The following PHC3 variants were observed in gnomAD, a reference collection of about 807,000 sequenced individuals.
The protein encoded by PHC3 is polyhomeotic homolog 3.
A neutral mutation model predicts 107.4 loss-of-function variants in PHC3; 13 were observed. The ratio of observed to expected loss-of-function variants is 0.12; its 90% CI spans 0.08 to 0.19. The LOEUF is 0.19. Ranked by LOEUF, PHC3 falls within the 10% of genes least tolerant of loss-of-function variation. PHC3 has a pLI of 1.00. For missense variants in PHC3, 992 were observed against 1,210.9 expected (o/e 0.82, Z 2.68); for synonymous variants, 456 against 427.4 (o/e 1.07, Z -0.83).
Position 170,088,395 on chromosome 3 carries a change from A to C in PHC3, c.*8835T>G, listed in dbSNP as rs1419157975. The stretch of plus-strand genomic sequence containing the variant: ...AATAAGCAAGACGACAAAAAGTACT[A>C]ATTTAAAAGGCTTGAAATGCCTGCC... On this transcript the variant is annotated 3_prime_UTR_variant, in exon 15 of 15. Coordinates refer to ENST00000495893, the MANE Select transcript of PHC3 (RefSeq NM_024947.4). The C allele has an allele frequency of 1.3e-5, 2 of 152,196 alleles. No individual in the cohort carries two copies. Among genetic ancestry groups the C allele is most frequent in the African/African-American group, 4.8e-5 (2 of 41,456 alleles). The allele number at this position is 152,196 out of a possible 1,614,324, so 9.4% of individuals were successfully genotyped here.
At chr3:170,152,435 C>G (rs1174966461) in intron 4 of PHC3, among the ~76,000 whole-genome samples, 1 of 151,340 alleles carries the variant, frequency 6.6e-6, no homozygotes, top group Non-Finnish European at 1.5e-5. Context: ...ATCCCTCCCC[C>G]TCGGCCTTCC....
rs181523192 is a variant in PHC3, at chr3:170,089,592, T to C, written c.*7638A>G. On this transcript the variant is annotated 3_prime_UTR_variant, in exon 15 of 15. Coordinates refer to ENST00000495893, the MANE Select transcript of PHC3 (RefSeq NM_024947.4). ...TAAATGAACAAGTCAGTTCCAATGA[T>C]CTCCTTTGAGATTTTTCAGTTTTAG... 9 of 152,242 alleles carry C rather than the reference T, an allele frequency of 5.9e-5. No homozygotes were observed. Among genetic ancestry groups the C allele is most frequent in the Admixed American group, 5.2e-4 (8 of 15,292 alleles). The allele number at this position is 152,242 out of a possible 1,614,324, so 9.4% of individuals were successfully genotyped here.
At chr3:170,118,265 T>C (rs1483606651) in intron 9 of PHC3, among the ~76,000 whole-genome samples, 1 of 152,124 alleles carries the variant, frequency 6.6e-6, no homozygotes, top group Non-Finnish European at 1.5e-5. Flanking sequence ...TATATGTTTT[T>C]TGGAGACCAG....
chr3:170,145,648 GC>G, intron 5 of PHC3, 127 bp from the exon 6 acceptor site: 1 of 513,830 alleles, frequency 1.9e-6, no homozygotes, highest in Non-Finnish European at 3.4e-6. Context: ...TATCTCCTCA[GC>G]AAAAGGTTCT....
chr3:170,159,067 T>C (rs748933730), intron 4 of PHC3, among the ~76,000 whole-genome samples: 8 of 151,736 alleles, frequency 5.3e-5, no homozygotes, highest in South Asian at 2.1e-4. Context: ...CTGGCTAACA[T>C]GGTGAAACCG....
chr3:170,153,766 A>G (rs1348988400), intron 4 of PHC3, among the ~76,000 whole-genome samples: 24 of 151,464 alleles, frequency 1.6e-4, no homozygotes, highest in African/African-American at 5.8e-4. Context: ...CCGTCTCAAA[A>G]AAAAAAAAAA....
At position 170,143,646 on chromosome 3, in the gene PHC3, C is replaced by T. The variant is rs181680352; in HGVS notation, c.672+1777G>A. Among the ~76,000 whole-genome samples the T allele has an allele frequency of 1.5e-3, 235 of 152,300 alleles. 1 individual carries two copies. The highest frequency in any genetic ancestry group is 5.4e-3 in the African/African-American group (225 of 41,568). ...TACAGCAATATCATGCAAAGTAACACTCTAACTCAATTGTTTTCATTTAAA... is the reference window on the plus strand; with the variant it reads ...TACAGCAATATCATGCAAAGTAACATTCTAACTCAATTGTTTTCATTTAAA... On this transcript the variant is annotated intron_variant, in intron 6 of 14. Transcript: ENST00000495893.
intron 4 of PHC3, among the ~76,000 whole-genome samples, chr3:170,151,709 A>G (rs1443083002): frequency 2.0e-5 from 3 of 152,236 alleles, no homozygotes; most frequent in African/African-American, 7.2e-5. Flanking sequence ...TCTGAGAAAC[A>G]GCAAAGAAGC....
chr3:170,175,651 G>A (rs1190273233), intron 2 of PHC3, among the ~76,000 whole-genome samples: 1 of 151,130 alleles, frequency 6.6e-6, no homozygotes, highest in African/African-American at 2.4e-5. Flanking sequence ...GGGGCCAGGC[G>A]CAGTGGCTCA....
At chr3:170,145,910 C>G (rs866212356) in intron 5 of PHC3, among the ~76,000 whole-genome samples, 1 of 152,070 alleles carries the variant, frequency 6.6e-6, no homozygotes, top group East Asian at 1.9e-4. Context: ...TTTTGGGACA[C>G]AAATTAAATT....
At chr3:170,102,111 G>A in intron 14 of PHC3, 1 of 966,170 alleles carries the variant, frequency 1.0e-6, no homozygotes, top group Non-Finnish European at 1.2e-6. Context: ...TAGGAAATAA[G>A]GAGGAATAGA....
At chr3:170,136,746 T>A in intron 6 of PHC3, 81 bp from the exon 7 acceptor site, 1 of 1,395,276 alleles carries the variant, frequency 7.2e-7, no homozygotes, top group Non-Finnish European at 9.9e-7. Flanking sequence ...ATGACAATAC[T>A]GACAACACAT....
At position 170,097,448 on chromosome 3, in the gene PHC3, C is replaced by T; in HGVS notation, c.2834-64G>A. 1 of 1,501,998 alleles carries T rather than the reference C, an allele frequency of 6.7e-7. No individual in the cohort carries two copies. The highest frequency in any genetic ancestry group is 9.0e-7 in the Non-Finnish European group (1 of 1,107,422). The allele number at this position is 1,501,998 out of a possible 1,614,324, so 93.0% of individuals were successfully genotyped here. On this transcript the variant is annotated intron_variant, in intron 14 of 14. Transcript: ENST00000495893. The surrounding 1 kb of genome is among the most constrained non-coding windows in gnomAD (Gnocchi z 4.1). ...TACAACAATTAGACATTACTCCTAACAGTCACAGTTATGCTCTCACTGGGT... is the reference window on the plus strand; with the variant it reads ...TACAACAATTAGACATTACTCCTAATAGTCACAGTTATGCTCTCACTGGGT...
chr3:170,140,662 C>A (rs890462973), intron 6 of PHC3, among the ~76,000 whole-genome samples: 1 of 136,184 alleles, frequency 7.3e-6, no homozygotes, highest in African/African-American at 2.8e-5. Flanking sequence ...GGTGCGATCT[C>A]GGCTCACTGC....
At chr3:170,109,651 A>C (rs1717248013) in intron 11 of PHC3, among the ~76,000 whole-genome samples, 1 of 152,168 alleles carries the variant, frequency 6.6e-6, no homozygotes. Context: ...ACCTGAAATC[A>C]CATGAGGACA....
At chr3:170,141,489 T>A (rs555171648) in intron 6 of PHC3, among the ~76,000 whole-genome samples, 2 of 152,228 alleles carry the variant, frequency 1.3e-5, no homozygotes, top group Admixed American at 6.5e-5. Flanking sequence ...AAATATGAAG[T>A]AAGATGTTTT....
intron 8 of PHC3, among the ~76,000 whole-genome samples, chr3:170,125,749 T>A (rs1423207353): frequency 6.6e-6 from 1 of 152,190 alleles, no homozygotes; most frequent in Non-Finnish European, 1.5e-5. Flanking sequence ...GCGAAATAAG[T>A]GCATGAATAA....
Position 170,092,892 on chromosome 3 carries a change from A to C in PHC3, c.*4338T>G, listed in dbSNP as rs981890950. 5 of 152,210 alleles carry C rather than the reference A, an allele frequency of 3.3e-5. No homozygotes were observed. Among genetic ancestry groups the C allele is most frequent in the Non-Finnish European group, 7.3e-5 (5 of 68,032 alleles). The allele number at this position is 152,210 out of a possible 1,614,324, so 9.4% of individuals were successfully genotyped here. ...AGTCTGATTACAGGTAAATCTTGAC[A>C]TATAAAAACTATAACCTATTTACTG... On this transcript the variant is annotated 3_prime_UTR_variant, in exon 15 of 15. Transcript: ENST00000495893.
chr3:170,130,244 G>C (rs1722036836), intron 7 of PHC3, among the ~76,000 whole-genome samples: 2 of 151,988 alleles, frequency 1.3e-5, no homozygotes, highest in African/African-American at 4.8e-5. Flanking sequence ...CATATATAAA[G>C]ATAACTTCAA....
Sources: gnomAD v4.1 joint callset for allele counts (sites outside exome capture counted in the v4.1 genomes callset) on GRCh38, gnomAD v4.1.1 for gene constraint, Gnocchi (gnomAD v3.1) non-coding constraint, MANE v1.5 for transcripts, NCBI Gene and HGNC (gene_info 2026-07-23, HGNC 2026-07-21) for gene names.